Variants in PRDM2 observed in about 807,000 individuals in gnomAD.
The protein encoded by PRDM2 is PR/SET domain 2.
Under a neutral mutation model 130.0 loss-of-function variants are expected in PRDM2, and 30 were observed. The observed-to-expected ratio is 0.23, with a 90% CI of 0.17 to 0.31. The LOEUF (loss-of-function observed/expected upper bound fraction) is 0.31, where lower values mean the gene tolerates loss of function less well. Ranked by LOEUF, PRDM2 falls within the 10% of genes least tolerant of loss-of-function variation. The pLI is 1.00. For missense variants in PRDM2, 2,011 were observed against 2,108.4 expected, an observed-to-expected ratio of 0.95 and a Z score of 0.90; for synonymous variants, 871 against 782.4, an observed-to-expected ratio of 1.11 and a Z score of -1.89.
At chr1:13,804,105 C>T (rs989779823) in intron 8 of PRDM2, among the ~76,000 whole-genome samples, 1 of 152,142 alleles carries the variant, frequency 6.6e-6, no homozygotes. Flanking sequence ...TTGCTGTCCC[C>T]TCTGCCATAA....
intron 1 of PRDM2, among the ~76,000 whole-genome samples, chr1:13,708,181 CTT>C (rs1016678710): frequency 6.8e-6 from 1 of 146,258 alleles, no homozygotes. Context: ...CCCCTTTAAT[CTT>C]TTTTTTTTTT....
chr1:13,779,967 A>C lies in PRDM2; in HGVS notation c.2172A>C (p.Ser724=), dbSNP rs1557648961. 2 of 1,614,224 alleles carry C rather than the reference A, an allele frequency of 1.2e-6. No individual in the cohort carries two copies. Among genetic ancestry groups the C allele is most frequent in the Admixed American group, 3.3e-5 (2 of 60,026 alleles). The change falls in exon 8 of 10, where the codon TCA becomes TCC. Residue 724 remains serine (S), a synonymous_variant. Transcript: ENST00000311066. This position sits in a 1 kb window ranked among gnomAD's most constrained non-coding sequence, Gnocchi z 4.9. ...LGPVCVSAPA[S]MLPVTSSRFK... ...CTGTTTGTGTGTCTGCTCCTGCATC[A>C]ATGTTGCCTGTGACCTCAAGTAGGT...
rs1027546472 is a variant in PRDM2 at position 13,803,698 on chromosome 1, G to T, written c.5037-12729G>T. Reference sequence around the variant, plus strand: ...CAGCAAAAGAGGCAGCCACAGCCGGGGGCTTTCCCCGCGGGCAGGTTCTCC... The same window carrying T: ...CAGCAAAAGAGGCAGCCACAGCCGGTGGCTTTCCCCGCGGGCAGGTTCTCC... On this transcript the variant is annotated intron_variant, in intron 8 of 9. Transcript: ENST00000311066. The surrounding 1 kb of genome is among the most constrained non-coding windows in gnomAD (Gnocchi z 6.2). Among the ~76,000 whole-genome samples, 1 of 152,156 alleles carries T rather than the reference G, an allele frequency of 6.6e-6. No homozygotes were observed. Among genetic ancestry groups the T allele is most frequent in the Non-Finnish European group, 1.5e-5 (1 of 68,030 alleles).
chr1:13,752,482 A>G (rs959933048), intron 6 of PRDM2, among the ~76,000 whole-genome samples: 1 of 152,248 alleles, frequency 6.6e-6, no homozygotes, highest in Non-Finnish European at 1.5e-5. Flanking sequence ...TGTGAACCAC[A>G]GAAAAATTAT....
chr1:13,713,845 C>G (rs1642448842), intron 1 of PRDM2, among the ~76,000 whole-genome samples: 1 of 152,122 alleles, frequency 6.6e-6, no homozygotes, highest in Non-Finnish European at 1.5e-5. Flanking sequence ...GATCACTAAC[C>G]TCATCACTGT....
chr1:13,781,238 A>T lies in PRDM2; in HGVS notation c.3443A>T (p.Asp1148Val), dbSNP rs750105776. The change falls in exon 8 of 10, where the codon GAT (aspartate) becomes GTT (valine). Residue 1148 changes from aspartate (D) to valine (V), a missense_variant. This residue lies in a region of PRDM2 where 229 missense variants were observed against 364.1 expected (regional missense o/e 0.63). Coordinates refer to ENST00000311066, the MANE Select transcript of PRDM2 (RefSeq NM_001393986.1). This position sits in a 1 kb window ranked among gnomAD's most constrained non-coding sequence, Gnocchi z 6.1. ...VCESPFLSIK[D>V]LTKHLSIHAE... Reference sequence around the variant, plus strand: ...GAATCACCTTTTCTTTCCATTAAAGATCTAACCAAACATTTATCTATTCAT... The same window carrying T: ...GAATCACCTTTTCTTTCCATTAAAGTTCTAACCAAACATTTATCTATTCAT... 1.2e-6 allele frequency: 2 copies of T among 1,614,230 alleles called. No homozygotes were observed. The highest frequency in any genetic ancestry group is 3.3e-5 in the Admixed American group (2 of 60,028).
At chr1:13,763,707 T>G (rs1644157828) in intron 6 of PRDM2, among the ~76,000 whole-genome samples, 2 of 152,248 alleles carry the variant, frequency 1.3e-5, no homozygotes, top group Admixed American at 6.5e-5. Flanking sequence ...TTTACTTTTG[T>G]TGGCGTCTTC....
Position 13,780,120 on chromosome 1 carries a change from A to G in PRDM2, c.2325A>G (p.Leu775=). The G allele has an allele frequency of 6.2e-7, 1 of 1,612,144 alleles. No homozygotes were observed. Among genetic ancestry groups the G allele is most frequent in the Non-Finnish European group, 8.5e-7 (1 of 1,178,570 alleles). Residue 775 remains leucine, a synonymous_variant, in exon 8 of 10, where the codon TTA becomes TTG. Transcript: ENST00000311066. ...GGCTGACTTCCAAAAAATCCAAATT[A>G]GAAAGTCACAGCGACTCACCAGCAT... The part of the protein sequence containing the change: ...DAGLTSKKSK[L]ESHSDSPAWS...
At position 13,781,428 on chromosome 1, in the gene PRDM2, A is replaced by T; in HGVS notation, c.3633A>T (p.Arg1211=). 5 of 1,614,142 alleles carry T rather than the reference A, an allele frequency of 3.1e-6. No homozygotes were observed. Among genetic ancestry groups the T allele is most frequent in the Non-Finnish European group, 4.2e-6 (5 of 1,180,042 alleles). The part of the protein sequence containing the change: ...AFLCNLQQHQ[R]DLHPDKVCTH... ...TGTGCAATTTGCAGCAGCACCAGCG[A>T]GATCTCCACCCAGATAAGGTGTGCA... is the stretch of plus-strand genomic sequence containing the variant. The change falls in exon 8 of 10, where the codon CGA becomes CGT. Residue 1211 remains arginine (R), a synonymous_variant. Transcript: ENST00000311066. This position sits in a 1 kb window ranked among gnomAD's most constrained non-coding sequence, Gnocchi z 6.1.
rs766304757 is a variant in PRDM2, at chr1:13,806,342, G to A, written c.5037-10085G>A. On this transcript the variant is annotated intron_variant, in intron 8 of 9. Coordinates refer to ENST00000311066, the MANE Select transcript of PRDM2 (RefSeq NM_001393986.1). This position sits in a 1 kb window ranked among gnomAD's most constrained non-coding sequence, Gnocchi z 4.1. ...TTGGTGATCTCATCCAGTCACATGCGTTAAATACCACCTGGATGCTGACCA... is the reference window on the plus strand; with the variant it reads ...TTGGTGATCTCATCCAGTCACATGCATTAAATACCACCTGGATGCTGACCA... Among the ~76,000 whole-genome samples the A allele has an allele frequency of 9.2e-5, 14 of 152,014 alleles. No homozygotes were observed. Among genetic ancestry groups the A allele is most frequent in the Admixed American group, 3.9e-4 (6 of 15,266 alleles).
At position 13,749,467 on chromosome 1, in the gene PRDM2, G is replaced by A; in HGVS notation, c.491G>A (p.Ser164Asn). 6.7e-7 allele frequency: 1 copy of A among 1,488,034 alleles called. No homozygotes were observed. 92.2% of individuals were successfully genotyped at this position (1,488,034 alleles called of 1,614,324 possible). A position where few individuals can be genotyped will look rare whatever the true frequency, so the allele number is the denominator to read the frequency against. Reference sequence around the variant, plus strand: ...CGAGCCAGCGCCCGGAGCAAGCGGAGCTCCCCCAAGAGCCGGAAAGGTAGG... The same window carrying A: ...CGAGCCAGCGCCCGGAGCAAGCGGAACTCCCCCAAGAGCCGGAAAGGTAGG... ...EERASARSKRSSPKSRKGKKK... is the reference protein window; with the variant it reads ...EERASARSKRNSPKSRKGKKK... Residue 164 changes from serine to asparagine, a missense_variant, in exon 6 of 10, where the codon AGC becomes AAC. By Grantham distance (46) the Ser-to-Asn change is conservative. Around this residue, in one of 5 missense-constraint regions of PRDM2, gnomAD observed 1,288 missense variants for 1,237.7 expected, o/e 1.04. Transcript: ENST00000311066.
In PRDM2 at chr1:13,749,395, A is replaced by C. The variant is rs1643730090; in HGVS notation, c.419A>C (p.Tyr140Ser). 1 of 1,501,412 alleles carries C rather than the reference A, an allele frequency of 6.7e-7. No homozygotes were observed. Among genetic ancestry groups the C allele is most frequent in the African/African-American group, 1.4e-5 (1 of 69,148 alleles). The allele number at this position is 1,501,412 out of a possible 1,614,324, so 93.0% of individuals were successfully genotyped here. A position where few individuals can be genotyped will look rare whatever the true frequency, so the allele number is the denominator to read the frequency against. ...CCGGGCGAGGAGCTCCTGGTCTGGT[A>C]CAATGGGGAAGACAACCCTGAGATA... ...IAPGEELLVW[Y>S]NGEDNPEIAA... Residue 140 changes from tyrosine to serine, a missense_variant, in exon 6 of 10, where the codon TAC (tyrosine) becomes TCC (serine). By Grantham distance (144) the Tyr-to-Ser change is moderately radical. Around this residue, in one of 5 missense-constraint regions of PRDM2, gnomAD observed 1,288 missense variants for 1,237.7 expected, o/e 1.04. Transcript: ENST00000311066.
At chr1:13,817,637 A>G (rs976703138) in intron 9 of PRDM2, among the ~76,000 whole-genome samples, 1 of 151,654 alleles carries the variant, frequency 6.6e-6, no homozygotes, top group Admixed American at 6.6e-5. Context: ...CCAAATGTAC[A>G]AAATGGCCAA....
chr1:13,716,592 G>T (rs1013674172), intron 2 of PRDM2, among the ~76,000 whole-genome samples: 1 of 152,092 alleles, frequency 6.6e-6, no homozygotes, highest in African/African-American at 2.4e-5. Flanking sequence ...TGTAAGATGT[G>T]TTTCTCTTTA....
chr1:13,821,653 G>A (rs548461519), intron 9 of PRDM2, among the ~76,000 whole-genome samples: 6 of 152,108 alleles, frequency 3.9e-5, no homozygotes, highest in African/African-American at 1.2e-4. Flanking sequence ...TTTTAGTAGA[G>A]ACTGGGTTTC....
At chr1:13,747,323 T>C (rs1323384637) in intron 5 of PRDM2, among the ~76,000 whole-genome samples, 3 of 152,282 alleles carry the variant, frequency 2.0e-5, no homozygotes, top group Non-Finnish European at 4.4e-5. Flanking sequence ...ATGTGACTTA[T>C]AACAAAAAAA....
At chr1:13,821,434 T>A (rs1185312842) in intron 9 of PRDM2, among the ~76,000 whole-genome samples, 1 of 54,720 alleles carries the variant, frequency 1.8e-5, no homozygotes, top group East Asian at 3.1e-4. Flanking sequence ...CAGTGAACAT[T>A]TATTTATTTA....
chr1:13,739,457 A>T (rs1643373734), intron 4 of PRDM2, among the ~76,000 whole-genome samples: 1 of 152,176 alleles, frequency 6.6e-6, no homozygotes, highest in South Asian at 2.1e-4. Flanking sequence ...GAAATAATGC[A>T]TGTTTATTGG....
At chr1:13,749,655 C>T (rs1455955472) in intron 6 of PRDM2, among the ~76,000 whole-genome samples, 168 bp downstream of exon 6, 2 of 151,504 alleles carry the variant, frequency 1.3e-5, no homozygotes, top group Middle Eastern at 6.8e-3. Context: ...GCCCCGGCCC[C>T]GCTCCCGCCC....
Sources: gnomAD v4.1 joint callset for allele counts (sites outside exome capture counted in the v4.1 genomes callset) on GRCh38, gnomAD v4.1.1 for gene constraint, gnomAD v4.1.1 regional missense constraint, Gnocchi (gnomAD v3.1) non-coding constraint, MANE v1.5 for transcripts, NCBI Gene and HGNC (gene_info 2026-07-23, HGNC 2026-07-21) for gene names.